The following PAK3 variants were observed in gnomAD, a reference collection of about 807,000 sequenced individuals.
PAK3 encodes the protein serine/threonine-protein kinase PAK 3.
In PAK3, 4 loss-of-function variants were observed where a neutral mutation model predicts 41.0. The observed-to-expected ratio is 0.10, with a 90% CI of 0.05 to 0.22. PAK3 has a LOEUF of 0.22. PAK3 is among the 10% of genes least tolerant of loss of function. PAK3 has a pLI of 1.00. For missense variants in PAK3, 205 were observed against 409.9 expected, an observed-to-expected ratio of 0.50 and a Z score of 4.32; for synonymous variants, 146 against 139.6, an observed-to-expected ratio of 1.05 and a Z score of -0.32.
intron 1 of PAK3, among the ~76,000 whole-genome samples, chrX:110,953,044 T>G (rs2090777625): frequency 8.9e-6 from 1 of 112,403 alleles, no homozygotes; most frequent in Admixed American, 9.4e-5. Flanking sequence ...GGAAAGGTCA[T>G]CTTTCTTTTT....
In PAK3 at chrX:111,134,961, C is replaced by CTATG. The variant is rs1438466583; in HGVS notation, c.176-7134_176-7131dup. On this transcript the variant is annotated intron_variant, in intron 5 of 17. Coordinates refer to ENST00000372007, the MANE Select transcript of PAK3 (RefSeq NM_002578.5). ...GGGGACCAGATCCTGGAGGGCTTAT[C>CTATG]TATGCCATGCTAAGGGCTTTAAATT... Among the ~76,000 whole-genome samples the CTATG allele has an allele frequency of 5.4e-5, 6 of 111,484 alleles. No individual in the cohort carries two copies. The East Asian group carries it at 1.7e-3, about 32-fold the overall frequency.
At chrX:111,070,003 T>C (rs1045141482) in intron 1 of PAK3, among the ~76,000 whole-genome samples, 2 of 111,916 alleles carry the variant, frequency 1.8e-5, no homozygotes, top group Admixed American at 9.5e-5. Flanking sequence ...CAGATAGCCC[T>C]ATGCATTGCA....
intron 1 of PAK3, among the ~76,000 whole-genome samples, chrX:111,065,233 A>T (rs2092692361): frequency 9.0e-6 from 1 of 110,525 alleles, no homozygotes; most frequent in Admixed American, 9.6e-5. Flanking sequence ...ATGTTCCTTT[A>T]ATGCCTAGTT....
At chrX:111,123,534 C>T (rs1423521618) in intron 5 of PAK3, among the ~76,000 whole-genome samples, 2 of 112,511 alleles carry the variant, frequency 1.8e-5, no homozygotes, top group African/African-American at 6.5e-5. Flanking sequence ...GTAATCATAG[C>T]AACAGTACTG....
intron 1 of PAK3, among the ~76,000 whole-genome samples, chrX:111,019,722 AGG>A (rs55957364): frequency 0.031 from 2,633 of 84,156 alleles, 105 homozygotes; most frequent in African/African-American, 0.11. Context: ...GAAAAGAAAA[AGG>A]GGGGGGGGCA....
chrX:110,963,916 A>G (rs2148617688), intron 1 of PAK3, among the ~76,000 whole-genome samples: 1 of 112,316 alleles, frequency 8.9e-6, no homozygotes, highest in East Asian at 2.8e-4. Context: ...TTAAGTTCCC[A>G]CAGAGCATAA....
intron 1 of PAK3, among the ~76,000 whole-genome samples, chrX:111,056,780 A>G (rs1229991440): frequency 9.0e-6 from 1 of 111,575 alleles, no homozygotes; most frequent in Non-Finnish European, 1.9e-5. Context: ...GTTGTTTCCA[A>G]TGTTTTGCTA....
At chrX:110,992,345 G>A (rs997048651) in intron 1 of PAK3, among the ~76,000 whole-genome samples, 1 of 111,553 alleles carries the variant, frequency 9.0e-6, no homozygotes, top group East Asian at 2.8e-4. Context: ...ACAGAGACAA[G>A]TTTGTTAAGG....
At chrX:111,158,167 C>T (rs2094130945) in intron 8 of PAK3, among the ~76,000 whole-genome samples, 2 of 111,397 alleles carry the variant, frequency 1.8e-5, no homozygotes, top group South Asian at 3.7e-4. Context: ...TCTTGCAAGG[C>T]GAGGAATGGG....
intron 1 of PAK3, among the ~76,000 whole-genome samples, chrX:110,954,159 A>G (rs2090803449): frequency 9.0e-6 from 1 of 111,575 alleles, no homozygotes; most frequent in Admixed American, 9.5e-5. Flanking sequence ...GTGTACACCA[A>G]TTTGCCCCAC....
intron 1 of PAK3, among the ~76,000 whole-genome samples, chrX:111,004,390 T>C (rs1376856022): frequency 8.9e-6 from 1 of 112,109 alleles, no homozygotes; most frequent in African/African-American, 3.2e-5. Flanking sequence ...TGTGAGTGTA[T>C]GTCTGAACTA....
At chrX:111,198,290 T>C (rs2094637882) in intron 16 of PAK3, among the ~76,000 whole-genome samples, 1 of 112,490 alleles carries the variant, frequency 8.9e-6, no homozygotes, top group African/African-American at 3.2e-5. Flanking sequence ...GCTTACACTA[T>C]TGATAGTTTC....
intron 1 of PAK3, among the ~76,000 whole-genome samples, chrX:110,953,770 C>T (rs1167274865): frequency 1.8e-5 from 2 of 111,756 alleles, no homozygotes; most frequent in Non-Finnish European, 3.8e-5. Flanking sequence ...CTGGTTTCTG[C>T]AGAGGTGAAT....
intron 1 of PAK3, among the ~76,000 whole-genome samples, chrX:110,970,947 C>G (rs756730698): frequency 1.3e-4 from 15 of 111,757 alleles, no homozygotes; most frequent in East Asian, 2.8e-4. Flanking sequence ...TATTCCCTTT[C>G]TTGTCTTATT....
chrX:111,178,152 C>T (rs182682476), intron 11 of PAK3, among the ~76,000 whole-genome samples: 3 of 110,712 alleles, frequency 2.7e-5, no homozygotes, highest in Admixed American at 1.9e-4. Context: ...GAACACCTAC[C>T]CCCAATAATG....
At chrX:111,209,288 GTTC>G (rs1382683240) in intron 16 of PAK3, among the ~76,000 whole-genome samples, 2 of 111,826 alleles carry the variant, frequency 1.8e-5, no homozygotes, top group Admixed American at 9.5e-5. Context: ...CATTGGGCAA[GTTC>G]TTCTTATCTC....
At chrX:111,150,288 T>C (rs2094007172) in intron 7 of PAK3, among the ~76,000 whole-genome samples, 1 of 112,105 alleles carries the variant, frequency 8.9e-6, no homozygotes, top group African/African-American at 3.3e-5. Flanking sequence ...CCCCACATTT[T>C]TCTATCTTCT....
At chrX:111,150,047 A>G (rs911633141) in intron 7 of PAK3, among the ~76,000 whole-genome samples, 11 of 112,155 alleles carry the variant, frequency 9.8e-5, no homozygotes. Context: ...AATTTCTTCT[A>G]CCAGATACCC....
chrX:111,180,356 A>G (rs947166155), intron 11 of PAK3, among the ~76,000 whole-genome samples: 5 of 111,356 alleles, frequency 4.5e-5, no homozygotes, highest in Admixed American at 1.9e-4. Context: ...ATGTGGTCAT[A>G]CCCTCCAAAA....
Sources: allele counts gnomAD v4.1 joint callset (sites outside exome capture counted in the v4.1 genomes callset), GRCh38; gene constraint gnomAD v4.1.1; transcripts MANE v1.5; gene names NCBI Gene and HGNC (gene_info 2026-07-23, HGNC 2026-07-21).